Variants in EMB observed in about 807,000 individuals in gnomAD.
EMB encodes embigin homolog.
A neutral mutation model predicts 41.4 loss-of-function variants in EMB; 31 were observed. The ratio of observed to expected loss-of-function variants is 0.75; its 90% CI spans 0.56 to 1.01. EMB has a LOEUF of 1.01. Ranked by LOEUF, EMB falls within the 50% of genes least tolerant of loss-of-function variation. The pLI, the probability that EMB is intolerant of heterozygous loss-of-function variation, is 0.00. For missense variants in EMB, 379 were observed against 388.3 expected, an observed-to-expected ratio of 0.98 and a Z score of 0.20; for synonymous variants, 137 against 140.4, an observed-to-expected ratio of 0.98 and a Z score of 0.17.
At chr5:50,443,066 T>C (rs1342297155), upstream of EMB, 3 of 152,344 alleles carry the variant, frequency 2.0e-5, no homozygotes, top group South Asian at 6.2e-4. Context: ...ACTGTTCCTG[T>C]TCTATATTTA....
chr5:50,433,167 G>A (rs535358578), intron 1 of EMB, among the ~76,000 whole-genome samples: 66 of 152,082 alleles, frequency 4.3e-4, no homozygotes, highest in Middle Eastern at 3.4e-3. Flanking sequence ...ACTCCACACA[G>A]AGAACTCTTG....
intron 8 of EMB, 24 bp from the exon 9 acceptor site, chr5:50,399,314 A>T: frequency 6.2e-7 from 1 of 1,605,380 alleles, no homozygotes; most frequent in Non-Finnish European, 8.5e-7. Context: ...AGCATAATCA[A>T]ATATAATTAG....
intron 4 of EMB, among the ~76,000 whole-genome samples, chr5:50,408,921 G>C (rs1745289344): frequency 6.6e-6 from 1 of 151,948 alleles, no homozygotes; most frequent in Admixed American, 6.6e-5. Context: ...TACCAAGGAA[G>C]ATTTAAAAGG....
At chr5:50,421,634 T>G (rs374664184) in intron 2 of EMB, among the ~76,000 whole-genome samples, 1 of 151,742 alleles carries the variant, frequency 6.6e-6, no homozygotes, top group African/African-American at 2.4e-5. Context: ...AGCAAAGACT[T>G]AGAACCAACC....
chr5:50,411,080 A>G, intron 3 of EMB, 115 bp from the exon 4 acceptor site: 1 of 1,168,170 alleles, frequency 8.6e-7, no homozygotes, highest in Non-Finnish European at 1.2e-6. Context: ...AAATATGCAA[A>G]TTAGAATATT....
chr5:50,422,065 TGAAA>T lies in EMB; in HGVS notation c.196+6075_196+6078del, dbSNP rs1437400825. On this transcript the variant is annotated intron_variant, in intron 2 of 8. Transcript: ENST00000303221. ...TATAATTAAAAAAAAGAAGTGCATG[TGAAA>T]GAAAGTCCAAGAAAGAAAATCTGTT... is the stretch of plus-strand genomic sequence containing the variant. Among the ~76,000 whole-genome samples, 8 of 151,886 alleles carry T rather than the reference TGAAA, an allele frequency of 5.3e-5. 1 individual carries two copies. The highest frequency in any genetic ancestry group is 1.9e-4 in the East Asian group (1 of 5,170).
At chr5:50,435,591 T>C (rs963291456) in intron 1 of EMB, among the ~76,000 whole-genome samples, 3 of 152,228 alleles carry the variant, frequency 2.0e-5, no homozygotes, top group African/African-American at 7.2e-5. Context: ...GATGCTGTGC[T>C]CTTCTCACCA....
At chr5:50,415,307 T>C (rs1368540685) in intron 2 of EMB, among the ~76,000 whole-genome samples, 1 of 152,130 alleles carries the variant, frequency 6.6e-6, no homozygotes, top group East Asian at 1.9e-4. Context: ...TGGAGCAATT[T>C]AAGCAAAACT....
rs72499495 is a variant in EMB at position 50,403,067 on chromosome 5, T to G, written c.877+111A>C. On this transcript the variant is annotated intron_variant, in intron 6 of 8. Transcript: ENST00000303221. ...AAATGAAGATTTTCCCCAAAAATCC[T>G]AAAGTCATTGCAATGTATCAAATCA... 2.7e-5 allele frequency: 28 copies of G among 1,047,622 alleles called. No individual in the cohort carries two copies. In the East Asian group the frequency reaches 6.6e-4, roughly 25 times the overall value. 64.9% of individuals were successfully genotyped at this position (1,047,622 alleles called of 1,614,324 possible).
At position 50,397,445 on chromosome 5, in the gene EMB, T is replaced by C. The variant is rs570231775; in HGVS notation, c.*1828A>G. The C allele has an allele frequency of 6.6e-6, 1 of 152,274 alleles. No individual in the cohort carries two copies. The highest frequency in any genetic ancestry group is 1.5e-5 in the Non-Finnish European group (1 of 68,022). 9.4% of individuals were successfully genotyped at this position (152,274 alleles called of 1,614,324 possible). A position where few individuals can be genotyped will look rare whatever the true frequency, so the allele number is the denominator to read the frequency against. ...TGATTATTTTACCTTTGGGAAGCAA[T>C]GCTTGTTGCTTGAAAATTGTATGAG... On this transcript the variant is annotated 3_prime_UTR_variant, in exon 9 of 9. Coordinates refer to ENST00000303221, the MANE Select transcript of EMB (RefSeq NM_198449.3).
intron 1 of EMB, 124 bp from the exon 2 acceptor site, chr5:50,428,351 T>A: frequency 7.8e-7 from 1 of 1,276,936 alleles, no homozygotes; most frequent in Non-Finnish European, 1.0e-6. Flanking sequence ...TTCAGGAAGC[T>A]CAAAGTCTTA....
In EMB at chr5:50,411,272, C is replaced by T; in HGVS notation, c.308G>A (p.Trp103Ter). Residue 103 changes from tryptophan (W) to a stop codon, truncating the protein, a stop_gained, in exon 3 of 9, where the codon TGG becomes TAG. Coordinates refer to ENST00000303221, the MANE Select transcript of EMB (RefSeq NM_198449.3). LOFTEE classifies it high-confidence loss of function. ...SGDLNAVNVT[W>*]KKDGEQLENN... Reference sequence around the variant, plus strand: ...CTCAAGTTGTTCACCATCTTTTTTCCAAGTCACATTTACTGCATTCAAATC... The same window carrying T: ...CTCAAGTTGTTCACCATCTTTTTTCTAAGTCACATTTACTGCATTCAAATC... 6.2e-7 allele frequency: 1 copy of T among 1,612,564 alleles called. No homozygotes were observed. The highest frequency in any genetic ancestry group is 1.1e-5 in the South Asian group (1 of 90,912).
chr5:50,410,594 T>G (rs1261219267), intron 4 of EMB, among the ~76,000 whole-genome samples: 4 of 152,012 alleles, frequency 2.6e-5, no homozygotes, highest in Non-Finnish European at 5.9e-5. Flanking sequence ...GAGAGATAAA[T>G]AAAGAAATTC....
chr5:50,439,879 T>C (rs1218175078), intron 1 of EMB, among the ~76,000 whole-genome samples: 1 of 152,170 alleles, frequency 6.6e-6, no homozygotes, highest in Admixed American at 6.5e-5. Context: ...GTGGCCAATA[T>C]TTACCAGCTT....
intron 1 of EMB, among the ~76,000 whole-genome samples, chr5:50,436,115 G>T (rs1448737984): frequency 6.6e-6 from 1 of 152,028 alleles, no homozygotes; most frequent in African/African-American, 2.4e-5. Context: ...GGAAATCACT[G>T]CTAAGAATAC....
chr5:50,413,668 C>T (rs1393322608), intron 2 of EMB, among the ~76,000 whole-genome samples: 7 of 151,684 alleles, frequency 4.6e-5, no homozygotes, highest in African/African-American at 9.7e-5. Context: ...CTCCGCCTCC[C>T]GGATTCAAGC....
intron 8 of EMB, among the ~76,000 whole-genome samples, chr5:50,399,651 A>G (rs1561129344): frequency 6.6e-6 from 1 of 152,018 alleles, no homozygotes; most frequent in African/African-American, 2.4e-5. Flanking sequence ...CTTCTAGATT[A>G]GTTGCTATGT....
At chr5:50,439,312 CTTTT>C (rs760118603) in intron 1 of EMB, among the ~76,000 whole-genome samples, 33 of 151,612 alleles carry the variant, frequency 2.2e-4, no homozygotes, top group Admixed American at 9.2e-4. Flanking sequence ...AATTCTGTTT[CTTTT>C]TCTTTCTTTT....
At chr5:50,413,558 A>T (rs1745378659) in intron 2 of EMB, among the ~76,000 whole-genome samples, 1 of 151,542 alleles carries the variant, frequency 6.6e-6, no homozygotes, top group South Asian at 2.1e-4. Context: ...CAAATAAATG[A>T]TCTGGTTTTT....
Sources: gnomAD v4.1 joint callset for allele counts (sites outside exome capture counted in the v4.1 genomes callset) on GRCh38, gnomAD v4.1.1 for gene constraint, MANE v1.5 for transcripts, NCBI Gene and HGNC (gene_info 2026-07-23, HGNC 2026-07-21) for gene names.